Variants in C1QTNF7 observed in about 807,000 individuals in gnomAD.
C1QTNF7 encodes complement C1q tumor necrosis factor-related protein 7.
C1QTNF7 carries 15 observed loss-of-function variants against 19.6 expected under a neutral mutation model. That is an observed-to-expected ratio of 0.76 (90% CI 0.51 to 1.18). The LOEUF (loss-of-function observed/expected upper bound fraction) is 1.18. Ranked by LOEUF, C1QTNF7 falls within the 50% of genes most tolerant of loss-of-function variation. The pLI, the probability that C1QTNF7 is intolerant of heterozygous loss-of-function variation, is 0.00. For synonymous variants in C1QTNF7, 142 were observed against 137.5 expected, an observed-to-expected ratio of 1.03 and a Z score of -0.23; for missense variants, 324 against 359.7, an observed-to-expected ratio of 0.90 and a Z score of 0.80.
chr4:15,412,647 A>G (rs1312605404), intron 1 of C1QTNF7, among the ~76,000 whole-genome samples: 1 of 152,180 alleles, frequency 6.6e-6, no homozygotes, highest in African/African-American at 2.4e-5. Context: ...CCGTCTCACC[A>G]CGTATGGTAA....
chr4:15,393,992 G>T (rs1718685983), intron 1 of C1QTNF7, among the ~76,000 whole-genome samples: 1 of 152,150 alleles, frequency 6.6e-6, no homozygotes. Context: ...GGGGTGTGTA[G>T]GGCCAAGGCA....
At chr4:15,345,959 A>G (rs1180287142) in intron 1 of C1QTNF7, among the ~76,000 whole-genome samples, 3 of 152,190 alleles carry the variant, frequency 2.0e-5, no homozygotes, top group Non-Finnish European at 4.4e-5. Flanking sequence ...CTGCCTTTAA[A>G]ACCTGCACCC....
intron 1 of C1QTNF7, among the ~76,000 whole-genome samples, chr4:15,369,400 A>T (rs906654356): frequency 6.6e-6 from 1 of 152,206 alleles, no homozygotes; most frequent in East Asian, 1.9e-4. Context: ...TTGTATCTAT[A>T]AACTCTGTTA....
rs367641365 is a variant in C1QTNF7 at position 15,435,838 on chromosome 4, A to G, written c.95A>G (p.Tyr32Cys). 6.2e-7 allele frequency: 1 copy of G among 1,614,148 alleles called. No individual in the cohort carries two copies. Among genetic ancestry groups the G allele is most frequent in the Non-Finnish European group, 8.5e-7 (1 of 1,180,018 alleles). The change falls in exon 2 of 3, where the codon TAT becomes TGT. Residue 32 changes from tyrosine (Y) to cysteine (C), a missense_variant. By Grantham distance (194) the Tyr-to-Cys change is radical. Transcript: ENST00000444304. ...QLKGENYSPR[Y>C]ICSIPGLPGP... ...AAAGGAGAGAACTACTCCCCCAGGT[A>G]TATCTGCAGCATTCCTGGCTTGCCT...
rs573269779 is a variant in C1QTNF7, at chr4:15,445,794, T to C, written c.*2995T>C. The C allele has an allele frequency of 6.6e-6, 1 of 152,358 alleles. No homozygotes were observed. The highest frequency in any genetic ancestry group is 2.1e-4 in the South Asian group (1 of 4,834). 9.4% of individuals were successfully genotyped at this position (152,358 alleles called of 1,614,324 possible). On this transcript the variant is annotated 3_prime_UTR_variant, in exon 3 of 3. Coordinates refer to ENST00000444304, the MANE Select transcript of C1QTNF7 (RefSeq NM_031911.5). ...TGTAAAGGCTGACTTGTAATGAATA[T>C]GTATTAAGCAATATTTATTGACTAT...
chr4:15,384,758 C>T (rs1300181337), intron 1 of C1QTNF7, among the ~76,000 whole-genome samples: 4 of 152,194 alleles, frequency 2.6e-5, no homozygotes, highest in African/African-American at 7.2e-5. Flanking sequence ...CCAAATGTTT[C>T]CGATTTTGAC....
chr4:15,421,604 C>T (rs551551473), intron 1 of C1QTNF7, among the ~76,000 whole-genome samples: 3 of 152,316 alleles, frequency 2.0e-5, no homozygotes, highest in Admixed American at 6.5e-5. Flanking sequence ...TCACTCTCCT[C>T]ATCCTAAACC....
chr4:15,375,963 C>T (rs1435114109), intron 1 of C1QTNF7, among the ~76,000 whole-genome samples: 2 of 152,154 alleles, frequency 1.3e-5, no homozygotes, highest in Non-Finnish European at 2.9e-5. Flanking sequence ...AAGCTGCTTC[C>T]AAGAGTCGAA....
intron 1 of C1QTNF7, among the ~76,000 whole-genome samples, chr4:15,412,546 G>T (rs1353596501): frequency 6.6e-6 from 1 of 152,064 alleles, no homozygotes; most frequent in African/African-American, 2.4e-5. Context: ...CCTCTTAAAA[G>T]GACTGTTGTG....
chr4:15,363,263 A>G (rs1717403769), intron 1 of C1QTNF7, among the ~76,000 whole-genome samples: 1 of 151,660 alleles, frequency 6.6e-6, no homozygotes, highest in African/African-American at 2.4e-5. Context: ...GTAGGCTACA[A>G]TGATTGTGTG....
chr4:15,430,703 T>TC (rs1712265427), intron 1 of C1QTNF7, among the ~76,000 whole-genome samples: 4 of 152,224 alleles, frequency 2.6e-5, no homozygotes, highest in Admixed American at 2.6e-4. Context: ...CCAGTCAAAA[T>TC]AATCAAGTTC....
At chr4:15,382,458 A>G (rs1163518088) in intron 1 of C1QTNF7, among the ~76,000 whole-genome samples, 2 of 152,174 alleles carry the variant, frequency 1.3e-5, no homozygotes, top group Non-Finnish European at 2.9e-5. Flanking sequence ...CTTGTTCACG[A>G]ATGAATGCTG....
At chr4:15,428,333 T>C (rs1229931324) in intron 1 of C1QTNF7, among the ~76,000 whole-genome samples, 2 of 152,138 alleles carry the variant, frequency 1.3e-5, no homozygotes, top group Non-Finnish European at 2.9e-5. Context: ...CAAGATGGTT[T>C]TGGGGAGGAC....
At chr4:15,362,150 G>C (rs1257225217) in intron 1 of C1QTNF7, among the ~76,000 whole-genome samples, 1 of 152,136 alleles carries the variant, frequency 6.6e-6, no homozygotes, top group Non-Finnish European at 1.5e-5. Flanking sequence ...AAAAATTAAT[G>C]AGTTAATAAT....
At chr4:15,358,824 G>A (rs1203589468) in intron 1 of C1QTNF7, 2 of 152,292 alleles carry the variant, frequency 1.3e-5, no homozygotes, top group Admixed American at 6.6e-5. Flanking sequence ...GAGTGTGGAG[G>A]AGAAGGAGTG....
intron 1 of C1QTNF7, among the ~76,000 whole-genome samples, chr4:15,431,492 T>C (rs769847232): frequency 7.2e-5 from 11 of 152,236 alleles, no homozygotes; most frequent in Non-Finnish European, 1.6e-4. Flanking sequence ...GTATTCCCTA[T>C]ATAAAAAATT....
chr4:15,432,738 G>A (rs1712372734), intron 1 of C1QTNF7, among the ~76,000 whole-genome samples: 2 of 152,176 alleles, frequency 1.3e-5, no homozygotes, highest in African/African-American at 4.8e-5. Context: ...TAATCACTTT[G>A]AGTGCCTTTT....
At chr4:15,414,949 C>T (rs1166203902) in intron 1 of C1QTNF7, among the ~76,000 whole-genome samples, 1 of 152,194 alleles carries the variant, frequency 6.6e-6, no homozygotes. Context: ...AGAATAGAGG[C>T]CAATGCCTTG....
At position 15,443,781 on chromosome 4, in the gene C1QTNF7, G is replaced by T. The variant is rs760700556; in HGVS notation, c.*982G>T. ...ATCCTTTAGTGTGATGGTTTCCCAA[G>T]ACAAACATTTGTCCTAATAGCTTTC... On this transcript the variant is annotated 3_prime_UTR_variant, in exon 3 of 3. Transcript: ENST00000444304. 2.0e-5 allele frequency: 3 copies of T among 152,220 alleles called. No individual in the cohort carries two copies. Among genetic ancestry groups the T allele is most frequent in the African/African-American group, 7.2e-5 (3 of 41,452 alleles). The allele number at this position is 152,220 out of a possible 1,614,324, so 9.4% of individuals were successfully genotyped here. A position where few individuals can be genotyped will look rare whatever the true frequency, so the allele number is the denominator to read the frequency against.
Sources: allele counts gnomAD v4.1 joint callset (sites outside exome capture counted in the v4.1 genomes callset), GRCh38; gene constraint gnomAD v4.1.1; transcripts MANE v1.5; gene names NCBI Gene and HGNC (gene_info 2026-07-23, HGNC 2026-07-21).